The following COL25A1 variants were observed in gnomAD, a reference collection of about 807,000 sequenced individuals.
COL25A1 encodes collagen alpha-1(XXV) chain.
Under a neutral mutation model 128.4 loss-of-function variants are expected in COL25A1, and 103 were observed. The observed-to-expected ratio is 0.80, with a 90% CI of 0.68 to 0.94. The LOEUF is 0.94. Ranked by LOEUF, COL25A1 falls within the 40% of genes least tolerant of loss-of-function variation. COL25A1 has a pLI of 0.00. For synonymous variants in COL25A1, 279 were observed against 277.2 expected, an observed-to-expected ratio of 1.01 and a Z score of -0.06; for missense variants, 745 against 840.0, an observed-to-expected ratio of 0.89 and a Z score of 1.40.
chr4:109,254,777 C>A (rs1366394260), intron 3 of COL25A1, among the ~76,000 whole-genome samples: 5 of 151,960 alleles, frequency 3.3e-5, no homozygotes, highest in Non-Finnish European at 5.9e-5. Context: ...AAATAAGACA[C>A]ACTGCCCAGC....
chr4:109,102,103 T>C (rs1258639018), intron 3 of COL25A1, among the ~76,000 whole-genome samples: 2 of 152,196 alleles, frequency 1.3e-5, no homozygotes, highest in Non-Finnish European at 2.9e-5. Flanking sequence ...TAGAAATCAA[T>C]TGTTTTCAAT....
intron 3 of COL25A1, among the ~76,000 whole-genome samples, chr4:109,220,995 G>A (rs1778368890): frequency 6.6e-6 from 1 of 152,074 alleles, no homozygotes; most frequent in Non-Finnish European, 1.5e-5. Context: ...GTGAGGGTAA[G>A]TCTTCAGAGC....
At chr4:109,149,677 G>A (rs181538758) in intron 3 of COL25A1, among the ~76,000 whole-genome samples, 321 of 152,258 alleles carry the variant, frequency 2.1e-3, no homozygotes, top group Non-Finnish European at 4.0e-3. Context: ...TGTGGTTACA[G>A]TGAAATATCT....
At chr4:109,180,754 T>C (rs902866799) in intron 3 of COL25A1, among the ~76,000 whole-genome samples, 12 of 152,106 alleles carry the variant, frequency 7.9e-5, no homozygotes, top group African/African-American at 2.9e-4. Context: ...GAAGAGTCCA[T>C]TGAAATAATG....
chr4:108,967,227 G>C (rs750742126), intron 8 of COL25A1, among the ~76,000 whole-genome samples: 49 of 152,164 alleles, frequency 3.2e-4, no homozygotes, highest in Non-Finnish European at 3.2e-4. Flanking sequence ...AGTGATTGGC[G>C]TATTTTAGGA....
chr4:109,031,071 C>T (rs148256706), intron 5 of COL25A1, among the ~76,000 whole-genome samples: 185 of 151,824 alleles, frequency 1.2e-3, no homozygotes, highest in African/African-American at 4.1e-3. Flanking sequence ...TTCAGGATAA[C>T]TACTATGCAG....
rs889126236 is a variant in COL25A1, at chr4:109,084,971, T to C, written c.368-34792A>G. Among the ~76,000 whole-genome samples, 11 of 152,364 alleles carry C rather than the reference T, an allele frequency of 7.2e-5. No individual in the cohort carries two copies. In the East Asian group the frequency reaches 1.5e-3, roughly 21 times the overall value. On this transcript the variant is annotated intron_variant, in intron 3 of 37. Coordinates refer to ENST00000399132, the MANE Select transcript of COL25A1 (RefSeq NM_198721.4). ...ACAGAGCCCTCTCAAAAGTCACCAA[T>C]AACTTTTCAAATTCAATAACCTTTC...
At chr4:109,240,578 A>G (rs1779832949) in intron 3 of COL25A1, among the ~76,000 whole-genome samples, 1 of 152,034 alleles carries the variant, frequency 6.6e-6, no homozygotes, top group African/African-American at 2.4e-5. Flanking sequence ...CATTGGCCCA[A>G]ATGGTTTTCA....
intron 3 of COL25A1, among the ~76,000 whole-genome samples, chr4:109,106,918 C>T (rs903221919): frequency 6.6e-6 from 1 of 152,046 alleles, no homozygotes; most frequent in East Asian, 1.9e-4. Flanking sequence ...CAGGCGCAGG[C>T]TACCTCGCTC....
intron 11 of COL25A1, among the ~76,000 whole-genome samples, chr4:108,926,113 C>T (rs575748402): frequency 6.6e-6 from 1 of 152,118 alleles, no homozygotes; most frequent in Non-Finnish European, 1.5e-5. Context: ...ATTTTTCTGA[C>T]ACTACTGATG....
At chr4:109,296,130 T>C (rs1275977718) in intron 3 of COL25A1, among the ~76,000 whole-genome samples, 1 of 152,112 alleles carries the variant, frequency 6.6e-6, no homozygotes, top group Non-Finnish European at 1.5e-5. Flanking sequence ...AAAGTGCCTT[T>C]TTTTGTTTCA....
intron 3 of COL25A1, among the ~76,000 whole-genome samples, chr4:109,113,735 G>A (rs1206764821): frequency 6.6e-6 from 1 of 151,948 alleles, no homozygotes; most frequent in Non-Finnish European, 1.5e-5. Context: ...AGCATTTCAT[G>A]AGCACTACAT....
At chr4:109,100,333 AC>A (rs1347679407) in intron 3 of COL25A1, among the ~76,000 whole-genome samples, 4 of 152,140 alleles carry the variant, frequency 2.6e-5, no homozygotes, top group Non-Finnish European at 4.4e-5. Flanking sequence ...GATATGAAAA[AC>A]ATTTTCAAAA....
intron 3 of COL25A1, among the ~76,000 whole-genome samples, chr4:109,079,605 C>G (rs750954313): frequency 6.6e-6 from 1 of 151,930 alleles, no homozygotes; most frequent in Non-Finnish European, 1.5e-5. Context: ...CTAAAAAGTG[C>G]ACACAATAAA....
intron 3 of COL25A1, among the ~76,000 whole-genome samples, chr4:109,215,840 C>T (rs1160312301): frequency 2.6e-5 from 4 of 152,120 alleles, no homozygotes; most frequent in South Asian, 2.1e-4. Flanking sequence ...CTCCTCAAAG[C>T]GATCTTTTCT....
rs191552916 is a variant in COL25A1, at chr4:108,896,374, A to G, written c.906+293T>C. On this transcript the variant is annotated intron_variant, in intron 16 of 37. Transcript: ENST00000399132. ...AAGGGAGCGTCCCATTTACACATGA[A>G]TAAGTGTTTTAATTCCTTGAAAGCC... Among the ~76,000 whole-genome samples, 189 of 152,286 alleles carry G rather than the reference A, an allele frequency of 1.2e-3. 1 individual carries two copies. Among genetic ancestry groups the G allele is most frequent in the Non-Finnish European group, 2.4e-3 (161 of 68,030 alleles).
chr4:109,153,093 A>G (rs1044095570), intron 3 of COL25A1, among the ~76,000 whole-genome samples: 4 of 152,208 alleles, frequency 2.6e-5, no homozygotes, highest in African/African-American at 7.2e-5. Flanking sequence ...AAGTGCTACA[A>G]AAGTACTCTG....
At chr4:109,125,692 C>T (rs1292613014) in intron 3 of COL25A1, among the ~76,000 whole-genome samples, 2 of 152,134 alleles carry the variant, frequency 1.3e-5, no homozygotes, top group Non-Finnish European at 2.9e-5. Flanking sequence ...ATTTTCAACA[C>T]ATGGAATCTA....
At chr4:109,211,554 T>G (rs1193460097) in intron 3 of COL25A1, among the ~76,000 whole-genome samples, 1 of 151,172 alleles carries the variant, frequency 6.6e-6, no homozygotes, top group African/African-American at 2.4e-5. Context: ...TTAAATTACC[T>G]GGCATTGTCA....
Sources: gnomAD v4.1 joint callset for allele counts (sites outside exome capture counted in the v4.1 genomes callset) on GRCh38, gnomAD v4.1.1 for gene constraint, MANE v1.5 for transcripts, NCBI Gene and HGNC (gene_info 2026-07-23, HGNC 2026-07-21) for gene names.